Variants in APOH observed in about 807,000 individuals in gnomAD.
APOH encodes apolipoprotein H, also known as beta-2-glycoprotein 1.
In APOH, 48 loss-of-function variants were observed where a neutral mutation model predicts 39.8. The ratio of observed to expected loss-of-function variants is 1.21; its 90% CI spans 0.96 to 1.54. The LOEUF (loss-of-function observed/expected upper bound fraction) is 1.54, where lower values mean the gene tolerates loss of function less well. APOH is among the 40% of genes most tolerant of loss of function. The pLI, the probability that APOH is intolerant of heterozygous loss-of-function variation, is 0.00. For synonymous variants in APOH, 153 were observed against 151.1 expected (o/e 1.01, Z -0.09); for missense variants, 415 against 421.2 (o/e 0.99, Z 0.13).
chr17:66,229,228 C>T lies in APOH; in HGVS notation c.64+88G>A, dbSNP rs746206815. The T allele has an allele frequency of 1.8e-4, 196 of 1,098,360 alleles. 1 individual carries two copies. The highest frequency in any genetic ancestry group is 2.2e-4 in the Non-Finnish European group (166 of 749,424). 68.0% of individuals were successfully genotyped at this position (1,098,360 alleles called of 1,614,324 possible). On this transcript the variant is annotated intron_variant, in intron 1 of 7. Coordinates refer to ENST00000205948, the MANE Select transcript of APOH (RefSeq NM_000042.3). ...CTGAGATTACAGATGTGAGCAAGCACGCCCGGCCTACTTATCATTATTGAT... is the reference window on the plus strand; with the variant it reads ...CTGAGATTACAGATGTGAGCAAGCATGCCCGGCCTACTTATCATTATTGAT...
chr17:66,226,219 A>G (rs2073438760), intron 2 of APOH, 95 bp from the exon 3 acceptor site: 2 of 854,280 alleles, frequency 2.3e-6, no homozygotes, highest in Non-Finnish European at 1.8e-6. Flanking sequence ...ATTAAATGAA[A>G]CATATAAATT....
At chr17:66,215,326 G>A (rs541084379) in intron 6 of APOH, among the ~76,000 whole-genome samples, 2 of 152,174 alleles carry the variant, frequency 1.3e-5, no homozygotes, top group Non-Finnish European at 2.9e-5. Flanking sequence ...AGGGAACCTG[G>A]CATAAATGCA....
At chr17:66,227,185 T>C (rs1487471259) in intron 2 of APOH, among the ~76,000 whole-genome samples, 1 of 152,152 alleles carries the variant, frequency 6.6e-6, no homozygotes, top group Non-Finnish European at 1.5e-5. Context: ...CACCTGGCCC[T>C]GATTTAAAGA....
chr17:66,228,057 G>A lies in APOH; in HGVS notation c.204C>T (p.Leu68=). The A allele has an allele frequency of 6.2e-7, 1 of 1,614,190 alleles. No homozygotes were observed. Among genetic ancestry groups the A allele is most frequent in the Non-Finnish European group, 8.5e-7 (1 of 1,180,034 alleles). Reference sequence around the variant, plus strand: ...GAGTGTTGATGGGCCACAGTCCTGTGAGAGGGCAGATAAACTTTCTCATCC... The same window carrying A: ...GAGTGTTGATGGGCCACAGTCCTGTAAGAGGGCAGATAAACTTTCTCATCC... ...RGGMRKFICP[L]TGLWPINTLK... Residue 68 remains leucine, a synonymous_variant, in exon 2 of 8, where the codon CTC becomes CTT. Transcript: ENST00000205948.
rs939556681 is a variant in APOH at position 66,218,822 on chromosome 17, C to A, written c.604+1732G>T. ...TTCGGGAGTTTGAGACCAGCCTGGC[C>A]AACACAGTGAAATCCCATCTCTACT... On this transcript the variant is annotated intron_variant, in intron 5 of 7. Transcript: ENST00000205948. Among the ~76,000 whole-genome samples the A allele has an allele frequency of 6.6e-5, 10 of 152,106 alleles. No individual in the cohort carries two copies. The East Asian group carries it at 1.9e-3, about 30-fold the overall frequency.
At chr17:66,217,463 C>A in intron 5 of APOH, among the ~76,000 whole-genome samples, 1 of 151,108 alleles carries the variant, frequency 6.6e-6, no homozygotes, top group Middle Eastern at 3.2e-3. Flanking sequence ...AAAAATGGTG[C>A]TGCTTCCTGG....
Position 66,212,087 on chromosome 17 carries a change from G to A in APOH, c.*46C>T, listed in dbSNP as rs541084675. ...TAAATTTCAATTAGGTTCCTTGGAT[G>A]AACAAGAAACAAGTGTGACATTTTG... On this transcript the variant is annotated 3_prime_UTR_variant, in exon 8 of 8. Coordinates refer to ENST00000205948, the MANE Select transcript of APOH (RefSeq NM_000042.3). The A allele has an allele frequency of 2.5e-5, 38 of 1,504,932 alleles. No homozygotes were observed. In the East Asian group the frequency reaches 6.8e-4, roughly 27 times the overall value. 93.2% of individuals were successfully genotyped at this position (1,504,932 alleles called of 1,614,324 possible).
chr17:66,224,977 G>A (rs1051303410), intron 3 of APOH, among the ~76,000 whole-genome samples: 3 of 151,334 alleles, frequency 2.0e-5, no homozygotes, highest in East Asian at 1.9e-4. Flanking sequence ...TGAGGCAGGA[G>A]AATTGCTTGA....
In APOH at chr17:66,212,190, T is replaced by A; in HGVS notation, c.983-2A>T. ...TCCAAAAAGCCAGAGAACTGTGTTC[T>A]GTTGGGGGAGAAAAAGATAAACATT... On this transcript the variant is annotated splice_acceptor_variant, in intron 7 of 7. Coordinates refer to ENST00000205948, the MANE Select transcript of APOH (RefSeq NM_000042.3). LOFTEE classifies it high-confidence loss of function. 1 of 1,613,098 alleles carries A rather than the reference T, an allele frequency of 6.2e-7. No individual in the cohort carries two copies. The highest frequency in any genetic ancestry group is 8.5e-7 in the Non-Finnish European group (1 of 1,179,198).
chr17:66,227,396 C>A (rs567763724), intron 2 of APOH, among the ~76,000 whole-genome samples: 2 of 152,268 alleles, frequency 1.3e-5, no homozygotes, highest in African/African-American at 4.8e-5. Context: ...ACCATAAATT[C>A]AATCTGGTTG....
chr17:66,214,338 C>T lies in APOH; in HGVS notation c.982+115G>A, dbSNP rs8178940. ...CCTCCCAAAGTGCTGGGATTACAGG[C>T]GTGACCCACCGCACCTGGCCTCATC... On this transcript the variant is annotated intron_variant, in intron 7 of 7. Coordinates refer to ENST00000205948, the MANE Select transcript of APOH (RefSeq NM_000042.3). 1.4e-3 allele frequency: 1,334 copies of T among 978,758 alleles called. 10 individuals carry two copies. The African/African-American group carries it at 0.018, about 13-fold the overall frequency. 60.6% of individuals were successfully genotyped at this position (978,758 alleles called of 1,614,324 possible). A position where few individuals can be genotyped will look rare whatever the true frequency, so the allele number is the denominator to read the frequency against.
chr17:66,216,699 G>A, intron 6 of APOH, 89 bp downstream of exon 6: 1 of 1,347,592 alleles, frequency 7.4e-7, no homozygotes, highest in Non-Finnish European at 1.0e-6. Context: ...GCAACAAGTG[G>A]AAAAGTGTTG....
intron 2 of APOH, among the ~76,000 whole-genome samples, chr17:66,226,793 C>T (rs2073442223): frequency 6.6e-6 from 1 of 152,110 alleles, no homozygotes; most frequent in South Asian, 2.1e-4. Flanking sequence ...CAAAATTATA[C>T]CTGCTCTCTG....
At chr17:66,225,871 C>T (rs986834478) in intron 3 of APOH, among the ~76,000 whole-genome samples, 157 bp downstream of exon 3, 7 of 143,718 alleles carry the variant, frequency 4.9e-5, no homozygotes, top group African/African-American at 1.1e-4. Context: ...AGCGAGACTC[C>T]GTCTCAAAAA....
chr17:66,220,819 A>G, intron 4 of APOH, 77 bp from the exon 5 acceptor site: 1 of 1,390,102 alleles, frequency 7.2e-7, no homozygotes, highest in Non-Finnish European at 9.7e-7. Flanking sequence ...AAGAAAAAAA[A>G]AACCCTAAGG....
intron 4 of APOH, 42 bp downstream of exon 4, chr17:66,223,656 G>A (rs192568694): frequency 3.2e-6 from 5 of 1,577,786 alleles, no homozygotes; most frequent in Non-Finnish European, 4.4e-6. Flanking sequence ...AAACCAGAAA[G>A]GTTCTGGGCA....
At chr17:66,222,069 C>A (rs2073406119) in intron 4 of APOH, among the ~76,000 whole-genome samples, 1 of 152,146 alleles carries the variant, frequency 6.6e-6, no homozygotes, top group Admixed American at 6.5e-5. Flanking sequence ...CTCAAGCAGT[C>A]TTTCTATTTA....
chr17:66,213,250 G>T (rs2073345731), intron 7 of APOH, among the ~76,000 whole-genome samples: 1 of 152,188 alleles, frequency 6.6e-6, no homozygotes, highest in Non-Finnish European at 1.5e-5. Flanking sequence ...TTACTTTCTG[G>T]CATCAGAGAC....
intron 6 of APOH, among the ~76,000 whole-genome samples, chr17:66,215,700 G>A (rs2073360991): frequency 6.6e-6 from 1 of 152,248 alleles, no homozygotes; most frequent in Admixed American, 6.5e-5. Flanking sequence ...ACACTGATGG[G>A]ATCAAGGGTA....
Sources: gnomAD v4.1 joint callset for allele counts (sites outside exome capture counted in the v4.1 genomes callset) on GRCh38, gnomAD v4.1.1 for gene constraint, MANE v1.5 for transcripts, NCBI Gene and HGNC (gene_info 2026-07-23, HGNC 2026-07-21) for gene names.